FAM120A: variants seen among roughly 807,000 people sequenced by gnomAD.
FAM120A encodes constitutive coactivator of PPAR-gamma-like protein 1.
A neutral mutation model predicts 109.7 loss-of-function variants in FAM120A; 15 were observed. The ratio of observed to expected loss-of-function variants is 0.14; its 90% CI spans 0.09 to 0.21. FAM120A has a LOEUF of 0.21. Ranked by LOEUF, FAM120A falls within the 10% of genes least tolerant of loss-of-function variation. FAM120A has a pLI of 1.00. For missense variants in FAM120A, 899 were observed against 1,439.3 expected (o/e 0.62, Z 6.07); for synonymous variants, 493 against 572.8 (o/e 0.86, Z 1.99).
chr9:93,468,887 A>G (rs532242999), intron 1 of FAM120A, among the ~76,000 whole-genome samples: 117 of 152,346 alleles, frequency 7.7e-4, no homozygotes, highest in African/African-American at 2.7e-3. Context: ...GCTGTTTTAC[A>G]ATACTGACAG....
intron 7 of FAM120A, among the ~76,000 whole-genome samples, chr9:93,521,225 ACT>A (rs1341871319): frequency 6.6e-6 from 1 of 152,054 alleles, no homozygotes; most frequent in Non-Finnish European, 1.5e-5. Flanking sequence ...GAGACACAAC[ACT>A]CTCTTTCTAG....
Position 93,543,303 on chromosome 9 carries a change from T to G in FAM120A, c.1991T>G (p.Phe664Cys), listed in dbSNP as rs1215599927. ...QTPELVEALA[F>C]REWTCPNLKR... is the part of the protein sequence containing the mutation. ...CCGGAACTGGTTGAAGCTCTTGCCT[T>G]CAGGGAGTGGACCTGCCCCAACCTG... Residue 664 changes from phenylalanine to cysteine, a missense_variant, in exon 11 of 18, where the codon TTC (phenylalanine) becomes TGC (cysteine). Physicochemically the swap from Phe to Cys is radical, Grantham distance 205. Around this residue, in one of 11 missense-constraint regions of FAM120A, gnomAD observed 133 missense variants for 276.6 expected, o/e 0.48. Coordinates refer to ENST00000277165, the MANE Select transcript of FAM120A (RefSeq NM_014612.5). The G allele has an allele frequency of 6.2e-7, 1 of 1,614,200 alleles. No individual in the cohort carries two copies. Among genetic ancestry groups the G allele is most frequent in the Non-Finnish European group, 8.5e-7 (1 of 1,180,022 alleles).
At chr9:93,527,614 A>ATTT (rs67894788) in intron 8 of FAM120A, among the ~76,000 whole-genome samples, 891 of 80,686 alleles carry the variant, frequency 0.011, 204 homozygotes, top group East Asian at 0.071. Flanking sequence ...TTTGTATTTA[A>ATTT]TTTTTTTTTT....
intron 10 of FAM120A, among the ~76,000 whole-genome samples, chr9:93,535,772 G>A (rs2131491022): frequency 6.6e-6 from 1 of 152,276 alleles, no homozygotes. Flanking sequence ...CTCCAGAAGG[G>A]AAATTTTTGT....
At chr9:93,514,945 T>C (rs1055405784) in intron 5 of FAM120A, among the ~76,000 whole-genome samples, 48 of 152,370 alleles carry the variant, frequency 3.2e-4, no homozygotes, top group African/African-American at 1.1e-3. Flanking sequence ...GCTTCAGCCA[T>C]TCCTCTATGT....
intron 3 of FAM120A, among the ~76,000 whole-genome samples, chr9:93,481,335 G>A (rs1464989228): frequency 6.6e-6 from 1 of 152,176 alleles, no homozygotes; most frequent in Non-Finnish European, 1.5e-5. Context: ...TTTTAAAAAT[G>A]TTTTATAGAT....
chr9:93,451,878 C>T lies in FAM120A; in HGVS notation c.-38C>T. 1.7e-6 allele frequency: 2 copies of T among 1,195,322 alleles called. No individual in the cohort carries two copies. Among genetic ancestry groups the T allele is most frequent in the Middle Eastern group, 3.4e-4 (1 of 2,982 alleles). 74.0% of individuals were successfully genotyped at this position (1,195,322 alleles called of 1,614,324 possible). On this transcript the variant is annotated 5_prime_UTR_variant, in exon 1 of 18. Transcript: ENST00000277165. ...GCCCCACCACCCCCGGCCCCGCCGC[C>T]CCCCGCCCGCACCCGCGCCCGCGCC...
intron 3 of FAM120A, among the ~76,000 whole-genome samples, chr9:93,479,670 A>T (rs915725840): frequency 3.9e-5 from 6 of 152,232 alleles, no homozygotes; most frequent in Admixed American, 1.3e-4. Flanking sequence ...AATTTATGTG[A>T]TTCCAAATCT....
At chr9:93,501,515 C>T (rs10992763) in intron 5 of FAM120A, among the ~76,000 whole-genome samples, 21 of 152,106 alleles carry the variant, frequency 1.4e-4, no homozygotes, top group African/African-American at 5.1e-4. Context: ...GTTTGGGATG[C>T]TTGGGATGAT....
At chr9:93,531,905 T>C (rs1481531868) in intron 9 of FAM120A, among the ~76,000 whole-genome samples, 3 of 152,242 alleles carry the variant, frequency 2.0e-5, no homozygotes, top group African/African-American at 7.2e-5. Context: ...CATGGTTTTC[T>C]TTTGTTCTTG....
chr9:93,489,893 C>T (rs1170549613), intron 3 of FAM120A, among the ~76,000 whole-genome samples: 1 of 152,114 alleles, frequency 6.6e-6, no homozygotes, highest in Non-Finnish European at 1.5e-5. Context: ...ACTGCTGGGG[C>T]CAAGGACTGT....
intron 5 of FAM120A, among the ~76,000 whole-genome samples, chr9:93,508,654 G>A (rs1564334201): frequency 6.6e-6 from 1 of 152,172 alleles, no homozygotes; most frequent in Non-Finnish European, 1.5e-5. Context: ...CTGGGCTCTG[G>A]CCATGGGGAT....
chr9:93,489,285 C>T (rs933162722), intron 3 of FAM120A, among the ~76,000 whole-genome samples: 12 of 152,190 alleles, frequency 7.9e-5, no homozygotes, highest in African/African-American at 2.9e-4. Context: ...AGTGACTACT[C>T]ATAGAGTTGT....
At chr9:93,553,479 C>T (rs1038757435) in intron 12 of FAM120A, among the ~76,000 whole-genome samples, 6 of 152,068 alleles carry the variant, frequency 3.9e-5, no homozygotes, top group Admixed American at 1.3e-4. Context: ...AGTCTGTTGC[C>T]CAGTAATCAG....
intron 3 of FAM120A, among the ~76,000 whole-genome samples, chr9:93,495,674 G>A (rs758731244): frequency 5.9e-5 from 9 of 152,188 alleles, no homozygotes; most frequent in Admixed American, 2.6e-4. Context: ...AGTCTACAGC[G>A]AGTTGGAATC....
intron 3 of FAM120A, among the ~76,000 whole-genome samples, chr9:93,484,761 A>G (rs1858962817): frequency 6.6e-6 from 1 of 151,930 alleles, no homozygotes; most frequent in Non-Finnish European, 1.5e-5. Context: ...TTTAGTGGAG[A>G]TGGGGTTTCG....
At chr9:93,492,080 T>C (rs1223075799) in intron 3 of FAM120A, among the ~76,000 whole-genome samples, 2 of 152,162 alleles carry the variant, frequency 1.3e-5, no homozygotes, top group African/African-American at 4.8e-5. Context: ...GATGATGCCT[T>C]TCATGGACAA....
In FAM120A at chr9:93,516,204, C is replaced by T. The variant is rs1237060151; in HGVS notation, c.1353C>T (p.Ala451=). The change falls in exon 7 of 18, where the codon GCC becomes GCT. Residue 451 remains alanine (A), a synonymous_variant. Coordinates refer to ENST00000277165, the MANE Select transcript of FAM120A (RefSeq NM_014612.5). ...GCAGCCCCAACCACGTGGATTCCGC[C>T]TACTTCCCTGGCTCTTCTACATCGT... ...QSGSPNHVDS[A]YFPGSSTSSS... 1 of 1,613,986 alleles carries T rather than the reference C, an allele frequency of 6.2e-7. No homozygotes were observed.
chr9:93,532,572 T>C lies in FAM120A; in HGVS notation c.1909+243T>C. On this transcript the variant is annotated intron_variant, in intron 10 of 17. Transcript: ENST00000277165. This position sits in a 1 kb window ranked among gnomAD's most constrained non-coding sequence, Gnocchi z 4.3. ...TTATTCAGTAAAATAATAAAACAGGTTTACACTTTAAAGTGAATGTTGATC... is the reference window on the plus strand; with the variant it reads ...TTATTCAGTAAAATAATAAAACAGGCTTACACTTTAAAGTGAATGTTGATC... 1 of 498,800 alleles carries C rather than the reference T, an allele frequency of 2.0e-6. No individual in the cohort carries two copies. The highest frequency in any genetic ancestry group is 2.2e-5 in the South Asian group (1 of 45,278). The allele number at this position is 498,800 out of a possible 1,614,324, so 30.9% of individuals were successfully genotyped here. A position where few individuals can be genotyped will look rare whatever the true frequency, so the allele number is the denominator to read the frequency against.
Sources: allele counts gnomAD v4.1 joint callset (sites outside exome capture counted in the v4.1 genomes callset), GRCh38; gene constraint gnomAD v4.1.1; regional missense constraint gnomAD v4.1.1; non-coding constraint Gnocchi (gnomAD v3.1); transcripts MANE v1.5; gene names NCBI Gene and HGNC (gene_info 2026-07-23, HGNC 2026-07-21).